The following LMO2 variants were observed in gnomAD, a reference collection of about 807,000 sequenced individuals.
LMO2 encodes LIM domain only 2.
LMO2 carries 20 observed loss-of-function variants against 23.2 expected under a neutral mutation model. That is an observed-to-expected ratio of 0.86 (90% CI 0.61 to 1.25). LMO2 has a LOEUF of 1.25. Among genes scored for constraint, LMO2 ranks in the 50% most tolerant of loss-of-function variants. The pLI is 0.00. For synonymous variants in LMO2, 123 were observed against 130.2 expected, an observed-to-expected ratio of 0.94 and a Z score of 0.38; for missense variants, 270 against 315.3, an observed-to-expected ratio of 0.86 and a Z score of 1.09.
chr11:33,888,123 C>T (rs1857457522), intron 1 of LMO2, among the ~76,000 whole-genome samples: 1 of 152,200 alleles, frequency 6.6e-6, no homozygotes, highest in South Asian at 2.1e-4. Context: ...GGAGCTATAG[C>T]CAGGCAGCTG....
intron 5 of LMO2, among the ~76,000 whole-genome samples, chr11:33,860,929 G>A (rs1856550272): frequency 6.6e-6 from 1 of 152,336 alleles, no homozygotes; most frequent in South Asian, 2.1e-4. Flanking sequence ...AGAATCAACA[G>A]CAAAAGTGCA....
intron 1 of LMO2, among the ~76,000 whole-genome samples, chr11:33,890,843 C>T (rs1307400386): frequency 6.6e-6 from 1 of 152,114 alleles, no homozygotes; most frequent in Non-Finnish European, 1.5e-5. Flanking sequence ...AATGAGAAAA[C>T]TGAGGCTGCC....
At chr11:33,886,195 T>G (rs1857402998) in intron 1 of LMO2, among the ~76,000 whole-genome samples, 1 of 152,080 alleles carries the variant, frequency 6.6e-6, no homozygotes, top group Admixed American at 6.5e-5. Flanking sequence ...TTAAGTCAGA[T>G]TTGGGTCATG....
intron 4 of LMO2, among the ~76,000 whole-genome samples, chr11:33,868,969 G>A (rs991920406): frequency 6.6e-6 from 1 of 152,242 alleles, no homozygotes; most frequent in Non-Finnish European, 1.5e-5. Context: ...GGACCGAGAA[G>A]GAGAGGGAAG....
intron 1 of LMO2, among the ~76,000 whole-genome samples, chr11:33,888,229 G>T (rs537931658): frequency 3.9e-5 from 6 of 152,270 alleles, no homozygotes; most frequent in African/African-American, 1.4e-4. Flanking sequence ...CCCTCACACT[G>T]AGGTCATTTG....
At chr11:33,869,618 C>T in intron 3 of LMO2, 32 bp from the exon 4 acceptor site, 5 of 1,261,986 alleles carry the variant, frequency 4.0e-6, no homozygotes, top group Non-Finnish European at 4.0e-6. Context: ...AGCGAATCAC[C>T]GGGCTGCGGG....
At position 33,880,243 on chromosome 11, in the gene LMO2, T is replaced by TATACACATGATATATATATCATAC. The variant is rs1430935509; in HGVS notation, c.-272+1557_-272+1580dup. Among the ~76,000 whole-genome samples the TATACACATGATATATATATCATAC allele has an allele frequency of 3.5e-3, 500 of 143,176 alleles. 15 individuals are homozygous for TATACACATGATATATATATCATAC. The highest frequency in any genetic ancestry group is 5.8e-3 in the African/African-American group (215 of 36,786). The allele number at this position is 143,176 out of a possible 152,430, so 93.9% of individuals were successfully genotyped here. On this transcript the variant is annotated intron_variant, in intron 2 of 5. Coordinates refer to ENST00000257818, the MANE Select transcript of LMO2 (RefSeq NM_005574.4). The surrounding 1 kb of genome is among the most constrained non-coding windows in gnomAD (Gnocchi z 4.3). ...ATATACACATGATATATATATCATA[T>TATACACATGATATATATATCATAC]ATACACATGATATATATATCATACA...
intron 5 of LMO2, among the ~76,000 whole-genome samples, chr11:33,861,931 A>G (rs1344169226): frequency 3.3e-5 from 5 of 152,186 alleles, no homozygotes; most frequent in African/African-American, 1.2e-4. Flanking sequence ...ACTGAAAAAG[A>G]AGGTCTCTGT....
At chr11:33,882,376 A>C (rs1857305737) in intron 1 of LMO2, among the ~76,000 whole-genome samples, 2 of 152,208 alleles carry the variant, frequency 1.3e-5, no homozygotes, top group South Asian at 4.1e-4. Context: ...CATGAGTGAA[A>C]AAGGGCAGGT....
At chr11:33,885,798 TG>T (rs1229699556) in intron 1 of LMO2, among the ~76,000 whole-genome samples, 1 of 151,940 alleles carries the variant, frequency 6.6e-6, no homozygotes. Context: ...GGGTAACTGG[TG>T]GGCAGCCTCC....
chr11:33,881,777 G>T, intron 2 of LMO2, 47 bp downstream of exon 2: 2 of 208,398 alleles, frequency 9.6e-6, no homozygotes, highest in Non-Finnish European at 2.0e-5. Flanking sequence ...ATACAATAAT[G>T]GAAGAAATGA....
At chr11:33,865,196 C>T (rs912988995) in intron 4 of LMO2, 3 of 332,812 alleles carry the variant, frequency 9.0e-6, no homozygotes, top group Non-Finnish European at 1.8e-5. Context: ...TTTCCTCCTC[C>T]CATAACCTGG....
intron 2 of LMO2, among the ~76,000 whole-genome samples, chr11:33,877,006 G>A (rs1333424727): frequency 2.6e-5 from 4 of 152,232 alleles, no homozygotes; most frequent in African/African-American, 9.6e-5. Flanking sequence ...GAACCTCAGA[G>A]GACAATAGTC....
chr11:33,877,122 G>A (rs142157911), intron 2 of LMO2, among the ~76,000 whole-genome samples: 1 of 152,328 alleles, frequency 6.6e-6, no homozygotes, highest in East Asian at 1.9e-4. Flanking sequence ...CCTGGGGAAC[G>A]GAGTGTCTTG....
chr11:33,878,030 T>C (rs532145614), intron 2 of LMO2, among the ~76,000 whole-genome samples: 1 of 152,324 alleles, frequency 6.6e-6, no homozygotes, highest in East Asian at 1.9e-4. Flanking sequence ...TTCCCTATCG[T>C]CCATGACCAT....
At chr11:33,885,488 G>A (rs1857383968) in intron 1 of LMO2, among the ~76,000 whole-genome samples, 1 of 152,212 alleles carries the variant, frequency 6.6e-6, no homozygotes. Flanking sequence ...GCAGATAGGA[G>A]GCCCAACATT....
Position 33,869,871 on chromosome 11 carries a change from G to A in LMO2, c.-155C>T, listed in dbSNP as rs770153518. On this transcript the variant is annotated 5_prime_UTR_variant, in exon 3 of 6. Transcript: ENST00000257818. ...GCTGCTCGCCGCCGAGGGCAGAGAGGGGGCGGCGGCCTAGGGGCGGGGAGG... is the reference window on the plus strand; with the variant it reads ...GCTGCTCGCCGCCGAGGGCAGAGAGAGGGCGGCGGCCTAGGGGCGGGGAGG... 9.0e-5 allele frequency: 95 copies of A among 1,052,964 alleles called. No individual in the cohort carries two copies. Among genetic ancestry groups the A allele is most frequent in the Non-Finnish European group, 1.0e-4 (91 of 873,918 alleles). The allele number at this position is 1,052,964 out of a possible 1,614,324, so 65.2% of individuals were successfully genotyped here. A position where few individuals can be genotyped will look rare whatever the true frequency, so the allele number is the denominator to read the frequency against.
At chr11:33,875,562 G>C (rs1590647414) in intron 2 of LMO2, among the ~76,000 whole-genome samples, 1 of 129,130 alleles carries the variant, frequency 7.7e-6, no homozygotes, top group African/African-American at 3.1e-5. Context: ...TGGGCGATAA[G>C]AGCAAAACTC....
At position 33,865,079 on chromosome 11, in the gene LMO2, G is replaced by C. The variant is rs1391585825; in HGVS notation, c.249-262C>G. On this transcript the variant is annotated intron_variant, in intron 4 of 5. Coordinates refer to ENST00000257818, the MANE Select transcript of LMO2 (RefSeq NM_005574.4). ...CCAAGAGGCATCAAAGGCAATTGCA[G>C]GTGGCACTGTGCCCCTGCCCATGCC... The C allele has an allele frequency of 7.5e-6, 4 of 533,778 alleles. No individual in the cohort carries two copies. The African/African-American group carries it at 7.6e-5, about 10-fold the overall frequency. 33.1% of individuals were successfully genotyped at this position (533,778 alleles called of 1,614,324 possible). A position where few individuals can be genotyped will look rare whatever the true frequency, so the allele number is the denominator to read the frequency against.
Sources: allele counts gnomAD v4.1 joint callset (sites outside exome capture counted in the v4.1 genomes callset), GRCh38; gene constraint gnomAD v4.1.1; non-coding constraint Gnocchi (gnomAD v3.1); transcripts MANE v1.5; gene names NCBI Gene and HGNC (gene_info 2026-07-23, HGNC 2026-07-21).